Variants in KCNB2 observed in about 807,000 individuals in gnomAD.
The protein encoded by KCNB2 is potassium voltage-gated channel subfamily B member 2.
In KCNB2, 15 loss-of-function variants were observed where a neutral mutation model predicts 61.5. The ratio of observed to expected loss-of-function variants is 0.24; its 90% CI spans 0.16 to 0.38. The LOEUF is 0.38. Among genes scored for constraint, KCNB2 ranks in the 10% least tolerant of loss-of-function variants. The pLI is 1.00. For synonymous variants in KCNB2, 457 were observed against 446.0 expected (o/e 1.02, Z -0.31); for missense variants, 828 against 1,125.2 (o/e 0.74, Z 3.78).
At chr8:72,558,416 C>G (rs1259339981) in intron 1 of KCNB2, among the ~76,000 whole-genome samples, 1 of 152,164 alleles carries the variant, frequency 6.6e-6, no homozygotes, top group Non-Finnish European at 1.5e-5. Flanking sequence ...AAACTTCTAA[C>G]CCACTGAAGC....
intron 2 of KCNB2, among the ~76,000 whole-genome samples, chr8:72,628,565 C>G (rs1443965136): frequency 6.6e-6 from 1 of 152,094 alleles, no homozygotes; most frequent in South Asian, 2.1e-4. Flanking sequence ...TAACACTTTT[C>G]TGGAGCATTT....
intron 2 of KCNB2, among the ~76,000 whole-genome samples, chr8:72,652,218 A>G (rs956261084): frequency 9.2e-5 from 14 of 152,156 alleles, no homozygotes; most frequent in African/African-American, 3.4e-4. Context: ...TAAAGAAAAC[A>G]TATCAATGCC....
At chr8:72,538,037 G>C (rs1348652617) in intron 1 of KCNB2, among the ~76,000 whole-genome samples, 152 bp downstream of exon 1, 1 of 152,122 alleles carries the variant, frequency 6.6e-6, no homozygotes, top group African/African-American at 2.4e-5. Context: ...TTAGCCCTGA[G>C]AGGGTTTTTA....
intron 2 of KCNB2, among the ~76,000 whole-genome samples, chr8:72,772,117 C>T (rs756794241): frequency 5.9e-5 from 9 of 152,116 alleles, no homozygotes; most frequent in East Asian, 1.9e-4. Context: ...AAGAGCCAGG[C>T]ACAGTGGATC....
At chr8:72,698,164 A>G (rs891397887) in intron 2 of KCNB2, among the ~76,000 whole-genome samples, 1 of 152,286 alleles carries the variant, frequency 6.6e-6, no homozygotes, top group Non-Finnish European at 1.5e-5. Flanking sequence ...AAGTTTCAGG[A>G]TACAAAATCA....
chr8:72,867,423 G>GGATTGCTT (rs1484965362), intron 2 of KCNB2, among the ~76,000 whole-genome samples: 5 of 152,160 alleles, frequency 3.3e-5, no homozygotes, highest in African/African-American at 9.7e-5. Context: ...AGAGGCGGGT[G>GGATTGCTT]GATTGCTTAA....
intron 2 of KCNB2, among the ~76,000 whole-genome samples, chr8:72,687,922 A>G (rs1253299692): frequency 6.6e-6 from 1 of 152,194 alleles, no homozygotes; most frequent in Non-Finnish European, 1.5e-5. Context: ...GGGATCCTAC[A>G]TGGGGCAGCT....
intron 2 of KCNB2, among the ~76,000 whole-genome samples, chr8:72,598,162 G>A (rs540210343): frequency 2.6e-5 from 4 of 152,188 alleles, no homozygotes; most frequent in African/African-American, 9.6e-5. Context: ...GAGAATTTTA[G>A]ACCAATATCC....
At chr8:72,902,962 C>CT (rs1806113493) in intron 2 of KCNB2, among the ~76,000 whole-genome samples, 1 of 152,192 alleles carries the variant, frequency 6.6e-6, no homozygotes, top group South Asian at 2.1e-4. Context: ...TTATTCAAAG[C>CT]TCTTACTGAT....
At chr8:72,765,966 A>G (rs1808455411) in intron 2 of KCNB2, among the ~76,000 whole-genome samples, 1 of 152,244 alleles carries the variant, frequency 6.6e-6, no homozygotes, top group African/African-American at 2.4e-5. Flanking sequence ...TGATAAATTG[A>G]TAGAGACAGA....
intron 2 of KCNB2, among the ~76,000 whole-genome samples, chr8:72,699,149 A>AT (rs1168470627): frequency 6.6e-6 from 1 of 152,202 alleles, no homozygotes; most frequent in African/African-American, 2.4e-5. Context: ...AACTTAAAGA[A>AT]TTCAATAAGC....
At chr8:72,565,948 A>G (rs1182753743) in intron 1 of KCNB2, among the ~76,000 whole-genome samples, 1 of 152,236 alleles carries the variant, frequency 6.6e-6, no homozygotes, top group African/African-American at 2.4e-5. Flanking sequence ...ACTATGGGAA[A>G]GGTATGTTGC....
chr8:72,689,025 A>G (rs1170664636), intron 2 of KCNB2, among the ~76,000 whole-genome samples: 1 of 152,194 alleles, frequency 6.6e-6, no homozygotes, highest in Non-Finnish European at 1.5e-5. Context: ...CACCATGCCC[A>G]GCCTATTCAT....
chr8:72,770,295 C>T (rs1277792326), intron 2 of KCNB2, among the ~76,000 whole-genome samples: 1 of 152,164 alleles, frequency 6.6e-6, no homozygotes, highest in East Asian at 1.9e-4. Context: ...CCATCTGTGT[C>T]CCCAAAGACT....
At chr8:72,754,753 A>G (rs1176802250) in intron 2 of KCNB2, among the ~76,000 whole-genome samples, 1 of 152,232 alleles carries the variant, frequency 6.6e-6, no homozygotes. Flanking sequence ...TGCTGAGCAT[A>G]TAAAGAACTC....
intron 2 of KCNB2, among the ~76,000 whole-genome samples, chr8:72,769,508 G>A (rs1418234915): frequency 6.6e-6 from 1 of 152,178 alleles, no homozygotes; most frequent in Non-Finnish European, 1.5e-5. Flanking sequence ...ATTCTGCCAG[G>A]GGTGCAATTT....
At chr8:72,625,775 G>A (rs117413985) in intron 2 of KCNB2, among the ~76,000 whole-genome samples, 277 of 152,192 alleles carry the variant, frequency 1.8e-3, no homozygotes, top group Non-Finnish European at 3.5e-3. Context: ...AAATAATGCT[G>A]GACATATCTC....
chr8:72,890,726 A>T (rs1328664913), intron 2 of KCNB2, among the ~76,000 whole-genome samples: 5 of 152,202 alleles, frequency 3.3e-5, no homozygotes, highest in African/African-American at 9.7e-5. Flanking sequence ...TAGTACTAAC[A>T]TCAGGAAGAA....
chr8:72,627,555 T>C (rs111556497), intron 2 of KCNB2, among the ~76,000 whole-genome samples: 4 of 152,220 alleles, frequency 2.6e-5, no homozygotes, highest in Admixed American at 2.0e-4. Flanking sequence ...GTCTTGTTTT[T>C]TTTATGCATG....
Sources: gnomAD v4.1 joint callset for allele counts (sites outside exome capture counted in the v4.1 genomes callset) on GRCh38, gnomAD v4.1.1 for gene constraint, MANE v1.5 for transcripts, NCBI Gene and HGNC (gene_info 2026-07-23, HGNC 2026-07-21) for gene names.